The following HECW2 variants were observed in gnomAD, a reference collection of about 807,000 sequenced individuals.
HECW2 encodes the protein E3 ubiquitin-protein ligase HECW2.
In HECW2, 61 loss-of-function variants were observed where a neutral mutation model predicts 175.2. That is an observed-to-expected ratio of 0.35 (90% CI 0.28 to 0.43). The LOEUF (loss-of-function observed/expected upper bound fraction) is 0.43, where lower values mean the gene tolerates loss of function less well. HECW2 is among the 20% of genes least tolerant of loss of function. HECW2 has a pLI of 1.00. For synonymous variants in HECW2, 671 were observed against 731.0 expected (o/e 0.92, Z 1.32); for missense variants, 1,524 against 2,000.5 (o/e 0.76, Z 4.54).
Position 196,201,024 on chromosome 2 carries a change from A to G in HECW2, c.*253T>C, listed in dbSNP as rs752852037. The G allele has an allele frequency of 2.6e-6, 1 of 382,498 alleles. No homozygotes were observed. The highest frequency in any genetic ancestry group is 4.9e-6 in the Non-Finnish European group (1 of 202,482). 23.7% of individuals were successfully genotyped at this position (382,498 alleles called of 1,614,324 possible). A position where few individuals can be genotyped will look rare whatever the true frequency, so the allele number is the denominator to read the frequency against. ...TTTGTCTTGGAACATAACAAATGGA[A>G]AAAGTTTGGCAGTCAAGAACTGTTG... On this transcript the variant is annotated 3_prime_UTR_variant, in exon 29 of 29. Transcript: ENST00000644978.
intron 2 of HECW2, among the ~76,000 whole-genome samples, chr2:196,402,988 G>A (rs966981869): frequency 6.6e-6 from 1 of 151,950 alleles, no homozygotes; most frequent in African/African-American, 2.4e-5. Context: ...TGTATTTTTC[G>A]TAGAGACGGA....
At chr2:196,379,173 G>A (rs1489249053) in intron 2 of HECW2, among the ~76,000 whole-genome samples, 3 of 151,860 alleles carry the variant, frequency 2.0e-5, no homozygotes, top group African/African-American at 7.3e-5. Flanking sequence ...AAAAATGATA[G>A]TGAAAAGAGT....
At position 196,370,463 on chromosome 2, in the gene HECW2, A is replaced by G. The variant is rs925020966; in HGVS notation, c.293-26699T>C. Among the ~76,000 whole-genome samples the G allele has an allele frequency of 7.2e-4, 109 of 152,044 alleles. 1 individual carries two copies. The highest frequency in any genetic ancestry group is 7.1e-3 in the Admixed American group (109 of 15,266). ...AGTGGAATGCAGGGGTCTCTTTTGG[A>G]ACTGTGAGCTGTGCTGCCTGGGGGT... On this transcript the variant is annotated intron_variant, in intron 2 of 28. Transcript: ENST00000644978.
chr2:196,312,068 G>A (rs865873206), intron 10 of HECW2, among the ~76,000 whole-genome samples: 34 of 152,144 alleles, frequency 2.2e-4, no homozygotes, highest in African/African-American at 7.5e-4. Flanking sequence ...AGGGCGCAGG[G>A]TTGTTTCTGT....
At chr2:196,382,168 T>A (rs1213707628) in intron 2 of HECW2, among the ~76,000 whole-genome samples, 1 of 151,960 alleles carries the variant, frequency 6.6e-6, no homozygotes, top group Non-Finnish European at 1.5e-5. Context: ...TTGTATTTGC[T>A]TATTGATATA....
At chr2:196,303,199 TATGTG>T (rs1411837838) in intron 13 of HECW2, among the ~76,000 whole-genome samples, 2 of 152,358 alleles carry the variant, frequency 1.3e-5, no homozygotes, top group South Asian at 2.1e-4. Flanking sequence ...TAGTTCTGTT[TATGTG>T]ATGAATCACA....
At chr2:196,554,637 A>G (rs1689732974) in intron 1 of HECW2, among the ~76,000 whole-genome samples, 2 of 152,132 alleles carry the variant, frequency 1.3e-5, no homozygotes, top group Admixed American at 6.5e-5. Flanking sequence ...TACACCCTTA[A>G]CCTGCTTTCT....
chr2:196,203,152 A>G (rs953006111), intron 28 of HECW2, among the ~76,000 whole-genome samples: 14 of 152,288 alleles, frequency 9.2e-5, no homozygotes, highest in Admixed American at 4.6e-4. Context: ...TATGAGTTTT[A>G]GGGTATAGAG....
Position 196,325,054 on chromosome 2 carries a change from T to A in HECW2, c.667A>T (p.Thr223Ser). 1 of 1,612,386 alleles carries A rather than the reference T, an allele frequency of 6.2e-7. No individual in the cohort carries two copies. The highest frequency in any genetic ancestry group is 8.5e-7 in the Non-Finnish European group (1 of 1,179,390). The change falls in exon 6 of 29, where the codon ACC becomes TCC. Residue 223 changes from threonine to serine, a missense_variant. By Grantham distance (58) the Thr-to-Ser change is moderately conservative (BLOSUM62 1). This residue lies in a region of HECW2 where 95 missense variants were observed against 136.8 expected (regional missense o/e 0.69). Coordinates refer to ENST00000644978, the MANE Select transcript of HECW2 (RefSeq NM_001348768.2). ...IQPGKKSSFP[T>S]CAHHGQERRS... ...CTCTCCTGCCCGTGGTGGGCACAGG[T>A]GGGGAAACTGCTCTTCTTTCCTGGC...
chr2:196,493,999 G>A (rs140826770), intron 1 of HECW2, among the ~76,000 whole-genome samples: 2 of 152,292 alleles, frequency 1.3e-5, no homozygotes, highest in Non-Finnish European at 2.9e-5. Flanking sequence ...AACAAAAAGG[G>A]TGTGACTAAC....
chr2:196,268,146 G>A (rs1689586918), intron 17 of HECW2, among the ~76,000 whole-genome samples: 2 of 152,154 alleles, frequency 1.3e-5, no homozygotes, highest in Non-Finnish European at 2.9e-5. Context: ...TCCCCTTTAC[G>A]ATGTTATGAT....
At chr2:196,517,699 TA>T (rs1311852969) in intron 1 of HECW2, among the ~76,000 whole-genome samples, 1 of 152,156 alleles carries the variant, frequency 6.6e-6, no homozygotes, top group Non-Finnish European at 1.5e-5. Flanking sequence ...TTTTCTTAAA[TA>T]AAAAGTGAGT....
At chr2:196,377,307 A>G (rs948720973) in intron 2 of HECW2, among the ~76,000 whole-genome samples, 3 of 152,188 alleles carry the variant, frequency 2.0e-5, no homozygotes, top group Non-Finnish European at 4.4e-5. Flanking sequence ...TTCTTGATAT[A>G]AGGTACTAAA....
chr2:196,569,656 TGC>T (rs1254498638), intron 1 of HECW2, among the ~76,000 whole-genome samples: 1 of 152,210 alleles, frequency 6.6e-6, no homozygotes, highest in African/African-American at 2.4e-5. Flanking sequence ...CCCCGATTTG[TGC>T]CTATTGTCCC....
intron 1 of HECW2, among the ~76,000 whole-genome samples, chr2:196,517,530 C>G (rs1688194055): frequency 6.6e-6 from 1 of 150,942 alleles, no homozygotes; most frequent in Admixed American, 6.6e-5. Context: ...ACTTGGTAAT[C>G]TCCCATTTTA....
At chr2:196,569,933 T>C (rs1419822648) in intron 1 of HECW2, among the ~76,000 whole-genome samples, 1 of 152,186 alleles carries the variant, frequency 6.6e-6, no homozygotes, top group Non-Finnish European at 1.5e-5. Flanking sequence ...GAAGCTGAGG[T>C]AGGAGAATGC....
chr2:196,439,282 G>A (rs1192045974), intron 1 of HECW2, among the ~76,000 whole-genome samples: 1 of 152,176 alleles, frequency 6.6e-6, no homozygotes, highest in Non-Finnish European at 1.5e-5. Context: ...AGAGCCTGGG[G>A]AGAGGAACAC....
intron 1 of HECW2, among the ~76,000 whole-genome samples, chr2:196,501,456 G>A (rs1687575478): frequency 6.6e-6 from 1 of 151,892 alleles, no homozygotes; most frequent in African/African-American, 2.4e-5. Context: ...TCACCATGTT[G>A]GCCAGGTTGG....
chr2:196,518,410 C>G (rs934059942), intron 1 of HECW2, among the ~76,000 whole-genome samples: 1 of 152,040 alleles, frequency 6.6e-6, no homozygotes, highest in Non-Finnish European at 1.5e-5. Context: ...AATCCCAGCA[C>G]TTTGGGAGGC....
Sources: allele counts gnomAD v4.1 joint callset (sites outside exome capture counted in the v4.1 genomes callset), GRCh38; gene constraint gnomAD v4.1.1; regional missense constraint gnomAD v4.1.1; transcripts MANE v1.5; gene names NCBI Gene and HGNC (gene_info 2026-07-23, HGNC 2026-07-21).